Variants in LTN1 observed in about 807,000 individuals in gnomAD.
LTN1 encodes the protein listerin E3 ubiquitin protein ligase 1, also known as E3 ubiquitin-protein ligase listerin.
A neutral mutation model predicts 201.2 loss-of-function variants in LTN1; 88 were observed. The observed-to-expected ratio is 0.44, with a 90% CI of 0.37 to 0.52. The LOEUF (loss-of-function observed/expected upper bound fraction) is 0.52, where lower values mean the gene tolerates loss of function less well. Ranked by LOEUF, LTN1 falls within the 20% of genes least tolerant of loss-of-function variation. LTN1 has a pLI of 0.00. For missense variants in LTN1, 1,752 were observed against 2,038.7 expected, an observed-to-expected ratio of 0.86 and a Z score of 2.71; for synonymous variants, 645 against 713.5, an observed-to-expected ratio of 0.90 and a Z score of 1.53.
chr21:28,933,955 C>T (rs889110747), intron 27 of LTN1, among the ~76,000 whole-genome samples: 8 of 152,264 alleles, frequency 5.3e-5, no homozygotes, highest in African/African-American at 1.9e-4. Context: ...GGATTACAGG[C>T]GTGAGCCACC....
chr21:28,965,493 A>G (rs1237949128), intron 11 of LTN1, among the ~76,000 whole-genome samples: 1 of 152,166 alleles, frequency 6.6e-6, no homozygotes. Context: ...CATGTGTTCT[A>G]CCCAAAGCTA....
At chr21:28,969,164 T>C (rs916486583) in intron 9 of LTN1, among the ~76,000 whole-genome samples, 3 of 151,612 alleles carry the variant, frequency 2.0e-5, no homozygotes, top group African/African-American at 7.3e-5. Flanking sequence ...GAGGTTGCAG[T>C]GAGCTGAGAT....
chr21:28,960,404 G>T, intron 12 of LTN1, 113 bp downstream of exon 12: 5 of 712,100 alleles, frequency 7.0e-6, no homozygotes, highest in Non-Finnish European at 1.1e-5. Flanking sequence ...AAATTTGAAT[G>T]AGTAAGTCCT....
chr21:28,977,003 C>T (rs1486117646), intron 6 of LTN1, among the ~76,000 whole-genome samples: 1 of 152,192 alleles, frequency 6.6e-6, no homozygotes, highest in Non-Finnish European at 1.5e-5. Context: ...CATCCTCCCA[C>T]CTTGGCCTCC....
chr21:28,975,698 T>A (rs1406835227), intron 6 of LTN1, among the ~76,000 whole-genome samples: 1 of 152,130 alleles, frequency 6.6e-6, no homozygotes, highest in Non-Finnish European at 1.5e-5. Context: ...CCCAGGAGAA[T>A]GACCTAAATT....
intron 6 of LTN1, among the ~76,000 whole-genome samples, chr21:28,977,309 G>C (rs1355061583): frequency 6.6e-6 from 1 of 151,010 alleles, no homozygotes; most frequent in African/African-American, 2.4e-5. Flanking sequence ...AGGAGGTGGA[G>C]GTTGCAGTGA....
At chr21:28,934,913 G>GT (rs1195786893) in intron 27 of LTN1, among the ~76,000 whole-genome samples, 196 bp downstream of exon 27, 1 of 152,104 alleles carries the variant, frequency 6.6e-6, no homozygotes, top group Admixed American at 6.5e-5. Context: ...AAATAGGCTG[G>GT]TCTTGAACTC....
chr21:28,979,846 C>T (rs1045595625), intron 6 of LTN1, among the ~76,000 whole-genome samples: 13 of 152,186 alleles, frequency 8.5e-5, no homozygotes, highest in African/African-American at 2.2e-4. Flanking sequence ...CTGGTGGGCA[C>T]CTGTAATCCC....
At chr21:28,973,709 A>G (rs1035144695) in intron 6 of LTN1, among the ~76,000 whole-genome samples, 23 of 152,318 alleles carry the variant, frequency 1.5e-4, no homozygotes, top group Non-Finnish European at 2.8e-4. Flanking sequence ...ATTGTAAAAC[A>G]TTATTCTAGA....
rs1181546368 is a variant in LTN1, at chr21:28,958,418, G to A, written c.2715C>T (p.Asn905=). 1.9e-6 allele frequency: 3 copies of A among 1,606,050 alleles called. No homozygotes were observed. The highest frequency in any genetic ancestry group is 2.2e-5 in the South Asian group (2 of 89,248). The change falls in exon 14 of 30, where the codon AAC becomes AAT. Residue 905 remains asparagine (N), a synonymous_variant. Transcript: ENST00000361371. The part of the protein sequence containing the change: ...FLHLSALWLK[N]QVQASSLDIN... The stretch of plus-strand genomic sequence containing the variant: ...TATCCAAAGATGAAGCCTGAACTTG[G>A]TTCTTCAGCCACAGAGCAGACAAAT...
intron 16 of LTN1, among the ~76,000 whole-genome samples, chr21:28,954,338 C>CA (rs1205028021): frequency 6.6e-6 from 1 of 152,160 alleles, no homozygotes; most frequent in Admixed American, 6.5e-5. Flanking sequence ...TGAGGGCTTA[C>CA]AAACAAGACT....
intron 11 of LTN1, among the ~76,000 whole-genome samples, chr21:28,963,167 T>A (rs1243079581): frequency 6.6e-6 from 1 of 152,182 alleles, no homozygotes; most frequent in Admixed American, 6.5e-5. Flanking sequence ...ATAATGAAGG[T>A]GGCTACACTA....
At chr21:28,976,735 TG>T (rs2146309446) in intron 6 of LTN1, among the ~76,000 whole-genome samples, 1 of 152,288 alleles carries the variant, frequency 6.6e-6, no homozygotes, top group South Asian at 2.1e-4. Flanking sequence ...TAGACGTTTT[TG>T]AGAAATTCAA....
intron 26 of LTN1, among the ~76,000 whole-genome samples, chr21:28,936,124 T>C (rs1204898907): frequency 6.6e-6 from 1 of 152,190 alleles, no homozygotes; most frequent in Non-Finnish European, 1.5e-5. Flanking sequence ...AAAAAACTCA[T>C]ATTCTTAGTA....
chr21:28,938,282 T>C (rs2705675), intron 25 of LTN1, among the ~76,000 whole-genome samples: 20,313 of 152,178 alleles, frequency 0.13, 1,705 homozygotes, highest in African/African-American at 0.23. Context: ...TCTTAGGAGA[T>C]ATATGCTTAA....
chr21:28,943,377 C>G, intron 23 of LTN1, 41 bp from the exon 24 acceptor site: 1 of 1,222,164 alleles, frequency 8.2e-7, no homozygotes, highest in South Asian at 1.3e-5. Context: ...TGATATTAAA[C>G]TGTTTATTAA....
intron 24 of LTN1, 102 bp from the exon 25 acceptor site, chr21:28,941,508 T>C: frequency 1.0e-6 from 1 of 965,014 alleles, no homozygotes; most frequent in Non-Finnish European, 1.5e-6. Flanking sequence ...AATTTCTCTG[T>C]TTTCCAAAAA....
chr21:28,959,293 C>CT, intron 13 of LTN1, 165 bp downstream of exon 13: 1 of 747,346 alleles, frequency 1.3e-6, no homozygotes, highest in Non-Finnish European at 2.1e-6. Context: ...ACATCTTTAA[C>CT]TTGCTTTCTA....
At chr21:28,952,118 TTACAG>T (rs1341767534) in intron 18 of LTN1, 37 bp downstream of exon 18, 1 of 1,225,040 alleles carries the variant, frequency 8.2e-7, no homozygotes, top group Non-Finnish European at 1.2e-6. Context: ...AAGTGACCGA[TTACAG>T]TAAACTACAA....
Sources: allele counts gnomAD v4.1 joint callset (sites outside exome capture counted in the v4.1 genomes callset), GRCh38; gene constraint gnomAD v4.1.1; transcripts MANE v1.5; gene names NCBI Gene and HGNC (gene_info 2026-07-23, HGNC 2026-07-21).